The following EPHA6 variants were observed in gnomAD, a reference collection of about 807,000 sequenced individuals.
EPHA6 encodes EPH receptor A6.
A neutral mutation model predicts 112.0 loss-of-function variants in EPHA6; 50 were observed. That is an observed-to-expected ratio of 0.45 (90% CI 0.36 to 0.56). The LOEUF (loss-of-function observed/expected upper bound fraction) is 0.56. Among genes scored for constraint, EPHA6 ranks in the 20% least tolerant of loss-of-function variants. The pLI, the probability that EPHA6 is intolerant of heterozygous loss-of-function variation, is 0.00. For missense variants in EPHA6, 1,280 were observed against 1,417.4 expected (o/e 0.90, Z 1.56); for synonymous variants, 529 against 490.7 (o/e 1.08, Z -1.03).
chr3:97,318,400 C>T (rs1415926548), intron 5 of EPHA6, among the ~76,000 whole-genome samples: 2 of 152,038 alleles, frequency 1.3e-5, no homozygotes, highest in Non-Finnish European at 2.9e-5. Flanking sequence ...AACTTAGCCT[C>T]TGGTGCCCAC....
intron 5 of EPHA6, among the ~76,000 whole-genome samples, chr3:97,401,254 A>G (rs1055554827): frequency 2.0e-5 from 3 of 151,690 alleles, no homozygotes; most frequent in Non-Finnish European, 3.0e-5. Flanking sequence ...TGGCTGTTAA[A>G]TGAATTAATT....
chr3:96,866,374 G>GT (rs1209833906), intron 1 of EPHA6, among the ~76,000 whole-genome samples: 2 of 151,940 alleles, frequency 1.3e-5, no homozygotes, highest in South Asian at 2.1e-4. Flanking sequence ...TTCAAAATGA[G>GT]TTTTTTTAAT....
chr3:97,451,778 T>C (rs558671566), intron 7 of EPHA6, among the ~76,000 whole-genome samples: 15 of 150,696 alleles, frequency 1.0e-4, no homozygotes, highest in Non-Finnish European at 1.9e-4. Flanking sequence ...CCCTCCTGGC[T>C]CTTCTTTAAA....
intron 2 of EPHA6, among the ~76,000 whole-genome samples, chr3:96,937,347 C>T (rs968989125): frequency 6.6e-6 from 1 of 152,162 alleles, no homozygotes; most frequent in Non-Finnish European, 1.5e-5. Flanking sequence ...TTGCATTTCT[C>T]TGATGGCCAG....
intron 11 of EPHA6, among the ~76,000 whole-genome samples, chr3:97,561,902 A>G (rs1258292295): frequency 1.3e-5 from 2 of 152,142 alleles, no homozygotes; most frequent in African/African-American, 4.8e-5. Flanking sequence ...GCCCTTGAGA[A>G]TTATGCTAAA....
intron 6 of EPHA6, among the ~76,000 whole-genome samples, chr3:97,447,523 A>C (rs139265155): frequency 2.1e-4 from 32 of 152,190 alleles, no homozygotes; most frequent in African/African-American, 7.5e-4. Flanking sequence ...ACACAAATGC[A>C]TTTTTTTCCA....
intron 5 of EPHA6, among the ~76,000 whole-genome samples, chr3:97,372,299 A>G (rs990624944): frequency 1.3e-5 from 2 of 152,280 alleles, no homozygotes; most frequent in African/African-American, 2.4e-5. Context: ...AAAATAGAAA[A>G]GGACCCAAGT....
rs949711986 is a variant in EPHA6 at position 97,085,918 on chromosome 3, TATATGATGTC to T, written c.1114+97930_1114+97939del. On this transcript the variant is annotated intron_variant, in intron 3 of 17. Transcript: ENST00000389672. Reference sequence around the variant, plus strand: ...AAATTCAGATTTGTGAGCTTTTATATATATGATGTCATATATATATATATATATATACACA... The same window carrying T: ...AAATTCAGATTTGTGAGCTTTTATATATATATATATATATATATATACACA... 1.1e-4 allele frequency among the ~76,000 whole-genome samples: 15 copies of T among 142,152 alleles called. 1 individual carries two copies. Among genetic ancestry groups the T allele is most frequent in the African/African-American group, 4.3e-4 (15 of 35,136 alleles). 93.3% of individuals were successfully genotyped at this position (142,152 alleles called of 152,430 possible). A position where few individuals can be genotyped will look rare whatever the true frequency, so the allele number is the denominator to read the frequency against.
chr3:97,418,563 T>C (rs78494919), intron 6 of EPHA6, among the ~76,000 whole-genome samples: 7,042 of 152,196 alleles, frequency 0.046, 520 homozygotes, highest in African/African-American at 0.16. Context: ...CCTCACATTT[T>C]TCAACCCAGA....
At chr3:96,925,749 G>A (rs1184200706) in intron 2 of EPHA6, among the ~76,000 whole-genome samples, 2 of 151,966 alleles carry the variant, frequency 1.3e-5, no homozygotes, top group African/African-American at 4.8e-5. Flanking sequence ...GGGATTACGA[G>A]CGCCTGCCAC....
chr3:97,585,268 T>A (rs796991490), intron 11 of EPHA6, among the ~76,000 whole-genome samples: 2 of 152,350 alleles, frequency 1.3e-5, no homozygotes, highest in African/African-American at 4.8e-5. Flanking sequence ...TATTTGCTTT[T>A]AAAAAGTCGA....
At chr3:97,213,095 A>G (rs1424246747) in intron 3 of EPHA6, among the ~76,000 whole-genome samples, 1 of 152,196 alleles carries the variant, frequency 6.6e-6, no homozygotes, top group East Asian at 1.9e-4. Context: ...TAAGCCCAAG[A>G]GTTCATAAAC....
intron 3 of EPHA6, among the ~76,000 whole-genome samples, chr3:97,136,856 A>T (rs1013567452): frequency 6.6e-6 from 1 of 152,206 alleles, no homozygotes; most frequent in Non-Finnish European, 1.5e-5. Context: ...ATAAATTTTA[A>T]CACCAATATT....
chr3:97,172,313 GACAT>G (rs2076725179), intron 3 of EPHA6, among the ~76,000 whole-genome samples: 1 of 151,946 alleles, frequency 6.6e-6, no homozygotes, highest in South Asian at 2.1e-4. Flanking sequence ...CACAGTTTCT[GACAT>G]ACAAAGAAGT....
chr3:97,683,597 GAA>G (rs2032026971), intron 14 of EPHA6, among the ~76,000 whole-genome samples: 1 of 152,060 alleles, frequency 6.6e-6, no homozygotes. Flanking sequence ...GGTTTAATTT[GAA>G]GTTTTCTAGC....
At chr3:96,944,808 C>T (rs767322565) in intron 2 of EPHA6, among the ~76,000 whole-genome samples, 11 of 152,106 alleles carry the variant, frequency 7.2e-5, no homozygotes, top group East Asian at 1.9e-4. Context: ...AGCGTGGTGG[C>T]GCATGTCTGT....
At chr3:96,952,364 G>GTAA (rs1345902160) in intron 2 of EPHA6, among the ~76,000 whole-genome samples, 17 of 152,140 alleles carry the variant, frequency 1.1e-4, no homozygotes, top group African/African-American at 4.1e-4. Context: ...AGAGGTGTTT[G>GTAA]GATCGTGAAG....
chr3:97,124,511 G>T (rs2108311126), intron 3 of EPHA6, among the ~76,000 whole-genome samples: 1 of 151,960 alleles, frequency 6.6e-6, no homozygotes, highest in South Asian at 2.1e-4. Flanking sequence ...GAGAAAGAAA[G>T]ATGTTAACCT....
intron 5 of EPHA6, among the ~76,000 whole-genome samples, chr3:97,303,230 A>T (rs1174042222): frequency 6.6e-6 from 1 of 152,028 alleles, no homozygotes; most frequent in African/African-American, 2.4e-5. Context: ...ATCTTAATCC[A>T]CATCCAAAGC....
Sources: allele counts gnomAD v4.1 joint callset (sites outside exome capture counted in the v4.1 genomes callset), GRCh38; gene constraint gnomAD v4.1.1; transcripts MANE v1.5; gene names NCBI Gene and HGNC (gene_info 2026-07-23, HGNC 2026-07-21).